Variants in RHCG observed in about 807,000 individuals in gnomAD.
RHCG encodes Rh family C glycoprotein.
Under a neutral mutation model 55.3 loss-of-function variants are expected in RHCG, and 39 were observed. The observed-to-expected ratio is 0.70, with a 90% CI of 0.55 to 0.92. The LOEUF (loss-of-function observed/expected upper bound fraction) is 0.92. Among genes scored for constraint, RHCG ranks in the 40% least tolerant of loss-of-function variants. The probability of loss-of-function intolerance (pLI) is 0.00; values close to 1 mark genes in which losing one functional copy is unlikely to be tolerated. For missense variants in RHCG, 635 were observed against 627.9 expected (o/e 1.01, Z -0.12); for synonymous variants, 250 against 246.8 (o/e 1.01, Z -0.12).
At chr15:89,476,526 G>C (rs112183463) in intron 9 of RHCG, among the ~76,000 whole-genome samples, 262 of 152,258 alleles carry the variant, frequency 1.7e-3, no homozygotes, top group African/African-American at 5.9e-3. Context: ...CCCCCTCTAG[G>C]GTGTGCAGAA....
At position 89,486,788 on chromosome 15, in the gene RHCG, C is replaced by A; in HGVS notation, c.371+11G>T. On this transcript the variant is annotated intron_variant, in intron 2 of 10. Coordinates refer to ENST00000268122, the MANE Select transcript of RHCG (RefSeq NM_016321.3). Reference sequence around the variant, plus strand: ...AGTCCGCCACGCCCCCGGGGCCCGCCCTGCGCTCACTTCTCCACGCCCACG... The same window carrying A: ...AGTCCGCCACGCCCCCGGGGCCCGCACTGCGCTCACTTCTCCACGCCCACG... The A allele has an allele frequency of 6.3e-7, 1 of 1,578,836 alleles. No individual in the cohort carries two copies.
chr15:89,480,121 G>A (rs1961236605), intron 4 of RHCG, 140 bp downstream of exon 4: 7 of 1,117,566 alleles, frequency 6.3e-6, no homozygotes, highest in Non-Finnish European at 7.9e-6. Context: ...TGGCAGCCAT[G>A]CACCATACCA....
intron 1 of RHCG, among the ~76,000 whole-genome samples, chr15:89,488,238 A>T (rs892459178): frequency 2.0e-5 from 3 of 152,232 alleles, no homozygotes; most frequent in African/African-American, 7.2e-5. Context: ...GTAAACAAAT[A>T]AATGAGGTAG....
At chr15:89,488,257 G>A (rs1961409683) in intron 1 of RHCG, among the ~76,000 whole-genome samples, 1 of 151,466 alleles carries the variant, frequency 6.6e-6, no homozygotes, top group South Asian at 2.1e-4. Flanking sequence ...AGCAGATAGG[G>A]CTCTTGCCTA....
chr15:89,494,762 C>T (rs2141905096), intron 1 of RHCG, among the ~76,000 whole-genome samples: 1 of 152,096 alleles, frequency 6.6e-6, no homozygotes, highest in South Asian at 2.1e-4. Flanking sequence ...CCCACCTCAG[C>T]CTCCCAAAGT....
In RHCG at chr15:89,477,116, G is replaced by C; in HGVS notation, c.1203C>G (p.Thr401=). ...GKFQIYGLLV[T]LAMALMGGII... ...TGCCACCCATCAGGGCCATGGCCAG[G>C]GTCACCAAGAGACCATAAATCTGGA... The change falls in exon 8 of 11, where the codon ACC becomes ACG. Residue 401 remains threonine, a synonymous_variant. Transcript: ENST00000268122. This position sits in a 1 kb window ranked among gnomAD's most constrained non-coding sequence, Gnocchi z 4.5. The C allele has an allele frequency of 6.2e-7, 1 of 1,614,018 alleles. No homozygotes were observed. The highest frequency in any genetic ancestry group is 8.5e-7 in the Non-Finnish European group (1 of 1,180,010).
chr15:89,491,675 G>T (rs568040642), intron 1 of RHCG, among the ~76,000 whole-genome samples: 1 of 152,136 alleles, frequency 6.6e-6, no homozygotes, highest in Non-Finnish European at 1.5e-5. Flanking sequence ...GCAGAGGCAG[G>T]AGAATCACTT....
intron 1 of RHCG, among the ~76,000 whole-genome samples, chr15:89,493,518 C>T (rs907785139): frequency 6.6e-6 from 1 of 152,200 alleles, no homozygotes; most frequent in Admixed American, 6.5e-5. Context: ...CTTCACTCAT[C>T]CCCTGAGTAG....
At chr15:89,476,656 C>A (rs1961154811) in intron 9 of RHCG, 99 bp downstream of exon 9, 8 of 979,732 alleles carry the variant, frequency 8.2e-6, no homozygotes, top group Non-Finnish European at 1.3e-5. Flanking sequence ...ACCCCCACCC[C>A]CGGCATCTGG....
At chr15:89,472,609 G>A (rs938678183) in intron 10 of RHCG, 102 bp downstream of exon 10, 2 of 1,198,804 alleles carry the variant, frequency 1.7e-6, no homozygotes, top group South Asian at 1.5e-5. Flanking sequence ...CTCATTTCTT[G>A]ATGTTTGCTT....
intron 1 of RHCG, among the ~76,000 whole-genome samples, chr15:89,488,917 T>G (rs568291073): frequency 6.6e-6 from 1 of 152,180 alleles, no homozygotes; most frequent in Non-Finnish European, 1.5e-5. Flanking sequence ...ACTATGGTTA[T>G]GGAAGAGAAT....
In RHCG at chr15:89,476,814, A is replaced by C. The variant is rs755869890; in HGVS notation, c.1252T>G (p.Leu418Val). The change falls in exon 9 of 11, where the codon TTA becomes GTA. Residue 418 changes from leucine to valine, a missense_variant. By Grantham distance (32) the Leu-to-Val change is conservative (BLOSUM62 1). Coordinates refer to ENST00000268122, the MANE Select transcript of RHCG (RefSeq NM_016321.3). ...TCTGAAGGTTGTCCCCAGAATGGTAATCTCAAAATGAGCCCTACAGAAAGT... is the reference window on the plus strand; with the variant it reads ...TCTGAAGGTTGTCCCCAGAATGGTACTCTCAAAATGAGCCCTACAGAAAGT... ...GGIIVGLILRLPFWGQPSDEN... is the reference protein window; with the variant it reads ...GGIIVGLILRVPFWGQPSDEN... The C allele has an allele frequency of 5.0e-6, 8 of 1,613,964 alleles. No homozygotes were observed. The East Asian group carries it at 1.8e-4, about 36-fold the overall frequency.
In RHCG at chr15:89,477,589, G is replaced by T; in HGVS notation, c.1040C>A (p.Pro347His). The T allele has an allele frequency of 6.2e-7, 1 of 1,614,160 alleles. No individual in the cohort carries two copies. The highest frequency in any genetic ancestry group is 8.5e-7 in the Non-Finnish European group (1 of 1,180,028). ...TCGINNLHGI[P>H]GIIGGIVGAV... is the part of the protein sequence containing the mutation. ...ACCCACGATGCCGCCTATGATGCCA[G>T]GAATGCCATGCAGATTGTTAATGCC... Residue 347 changes from proline (P) to histidine (H), a missense_variant, in exon 7 of 11, where the codon CCT becomes CAT. Transcript: ENST00000268122. The surrounding 1 kb of genome is among the most constrained non-coding windows in gnomAD (Gnocchi z 4.5).
In RHCG at chr15:89,477,831, A is replaced by G. The variant is rs753166187; in HGVS notation, c.975+6T>C. 1.9e-6 allele frequency: 3 copies of G among 1,614,002 alleles called. No homozygotes were observed. The highest frequency in any genetic ancestry group is 1.1e-5 in the South Asian group (1 of 91,064). ...TAGCCCCCAGCCCCTTGCCTGGGGC[A>G]CTTACGGTCAGGTATACAAAACCCA... is the stretch of plus-strand genomic sequence containing the variant. On this transcript the variant is annotated splice_donor_region_variant and intron_variant, in intron 6 of 10. Transcript: ENST00000268122. This position sits in a 1 kb window ranked among gnomAD's most constrained non-coding sequence, Gnocchi z 4.5.
intron 9 of RHCG, among the ~76,000 whole-genome samples, chr15:89,474,593 T>C (rs1402825146): frequency 1.3e-5 from 2 of 152,220 alleles, no homozygotes; most frequent in East Asian, 1.9e-4. Flanking sequence ...AAAGCCCAGA[T>C]TGTGGCATGT....
chr15:89,482,002 A>G (rs1221659253), intron 3 of RHCG, among the ~76,000 whole-genome samples: 1 of 152,184 alleles, frequency 6.6e-6, no homozygotes, highest in African/African-American at 2.4e-5. Flanking sequence ...GGGTTTCGCC[A>G]TGTTGGCCAG....
rs756548616 is a variant in RHCG, at chr15:89,476,721, C to G, written c.1311+34G>C. ...TGGAGGCAGGGAGGGAACGCAGCTGCCCTCCTTCAGGGGGCCAAGTCCCTG... is the reference window on the plus strand; with the variant it reads ...TGGAGGCAGGGAGGGAACGCAGCTGGCCTCCTTCAGGGGGCCAAGTCCCTG... On this transcript the variant is annotated intron_variant, in intron 9 of 10. Coordinates refer to ENST00000268122, the MANE Select transcript of RHCG (RefSeq NM_016321.3). 7 of 1,589,724 alleles carry G rather than the reference C, an allele frequency of 4.4e-6. No individual in the cohort carries two copies. The South Asian group carries it at 7.7e-5, about 18-fold the overall frequency.
rs1333162923 is a variant in RHCG, at chr15:89,474,892, T to G, written c.1311+1863A>C. Among the ~76,000 whole-genome samples the G allele has an allele frequency of 3.5e-3, 412 of 116,704 alleles. 1 individual carries two copies. Among genetic ancestry groups the G allele is most frequent in the African/African-American group, 0.014 (350 of 24,858 alleles). 76.6% of individuals were successfully genotyped at this position (116,704 alleles called of 152,430 possible). A position where few individuals can be genotyped will look rare whatever the true frequency, so the allele number is the denominator to read the frequency against. The stretch of plus-strand genomic sequence containing the variant: ...TGCCTGCCTTCCTTCCTGCCTGCCT[T>G]CCTTCCTTCCTGCCTGCCTTCCTTC... On this transcript the variant is annotated intron_variant, in intron 9 of 10. Coordinates refer to ENST00000268122, the MANE Select transcript of RHCG (RefSeq NM_016321.3).
chr15:89,479,040 C>T lies in RHCG; in HGVS notation c.837+282G>A, dbSNP rs1012971395. On this transcript the variant is annotated intron_variant, in intron 5 of 10. Coordinates refer to ENST00000268122, the MANE Select transcript of RHCG (RefSeq NM_016321.3). ...GCTTAAACTTGGGATGCAGAGGTTGCAGTGAGCCGAGATAGCGCCACTGCA... is the reference window on the plus strand; with the variant it reads ...GCTTAAACTTGGGATGCAGAGGTTGTAGTGAGCCGAGATAGCGCCACTGCA... Among the ~76,000 whole-genome samples, 25 of 133,362 alleles carry T rather than the reference C, an allele frequency of 1.9e-4. 1 individual carries two copies. The highest frequency in any genetic ancestry group is 1.6e-3 in the Admixed American group (22 of 13,852). The allele number at this position is 133,362 out of a possible 152,430, so 87.5% of individuals were successfully genotyped here.
Sources: gnomAD v4.1 joint callset for allele counts (sites outside exome capture counted in the v4.1 genomes callset) on GRCh38, gnomAD v4.1.1 for gene constraint, Gnocchi (gnomAD v3.1) non-coding constraint, MANE v1.5 for transcripts, NCBI Gene and HGNC (gene_info 2026-07-23, HGNC 2026-07-21) for gene names.